Variants in PRKG1 observed in about 807,000 individuals in gnomAD.
PRKG1 encodes the protein cGMP-dependent protein kinase 1.
PRKG1 carries 35 observed loss-of-function variants against 88.1 expected under a neutral mutation model. That is an observed-to-expected ratio of 0.40 (90% confidence interval 0.30 to 0.53). The LOEUF is 0.53. PRKG1 is among the 20% of genes least tolerant of loss of function. The pLI is 0.59. For missense variants in PRKG1, 540 were observed against 839.8 expected (o/e 0.64, Z 4.41); for synonymous variants, 303 against 292.5 (o/e 1.04, Z -0.37).
intron 4 of PRKG1, among the ~76,000 whole-genome samples, chr10:51,857,624 G>A (rs1052202856): frequency 2.0e-5 from 3 of 152,134 alleles, no homozygotes; most frequent in Non-Finnish European, 4.4e-5. Flanking sequence ...TCCTGGCTTT[G>A]TTTGCGTGTT....
chr10:52,281,171 T>G (rs1841995120), intron 13 of PRKG1, among the ~76,000 whole-genome samples: 3 of 152,190 alleles, frequency 2.0e-5, no homozygotes, highest in African/African-American at 7.2e-5. Context: ...TTTATAAGCA[T>G]GAGAAAACAC....
intron 3 of PRKG1, among the ~76,000 whole-genome samples, chr10:51,625,346 G>A (rs1310983078): frequency 2.0e-5 from 3 of 151,992 alleles, no homozygotes; most frequent in African/African-American, 7.2e-5. Flanking sequence ...GTGTGGTGAT[G>A]GGCACCTGTA....
At position 51,633,818 on chromosome 10, in the gene PRKG1, T is replaced by C. The variant is rs77236105; in HGVS notation, c.592+165982T>C. 6.8e-3 allele frequency among the ~76,000 whole-genome samples: 1,039 copies of C among 152,264 alleles called. 14 individuals carry two copies. Among genetic ancestry groups the C allele is most frequent in the African/African-American group, 0.024 (981 of 41,548 alleles). On this transcript the variant is annotated intron_variant, in intron 3 of 17. Coordinates refer to ENST00000373980, the MANE Select transcript of PRKG1 (RefSeq NM_006258.4). ...GTTGGCTCAATTTTTTTGGACAGCA[T>C]GTAGACCAAACAAAATTGATCCATA...
intron 1 of PRKG1, among the ~76,000 whole-genome samples, chr10:51,064,868 C>G (rs1843730811): frequency 1.3e-5 from 2 of 152,058 alleles, no homozygotes; most frequent in South Asian, 4.1e-4. Context: ...AGGGCCTACT[C>G]TGACATTCTA....
intron 1 of PRKG1, among the ~76,000 whole-genome samples, chr10:50,999,591 A>G (rs939429948): frequency 3.9e-5 from 6 of 152,164 alleles, no homozygotes; most frequent in Non-Finnish European, 8.8e-5. Flanking sequence ...GTACTGGCAA[A>G]AACCTTATAG....
chr10:51,067,083 C>T (rs1197519730), intron 1 of PRKG1, among the ~76,000 whole-genome samples: 1 of 151,636 alleles, frequency 6.6e-6, no homozygotes, highest in African/African-American at 2.4e-5. Flanking sequence ...AAAGATTCCA[C>T]CTCTCAATCT....
chr10:51,927,326 A>G (rs1213625393), intron 5 of PRKG1, among the ~76,000 whole-genome samples: 1 of 152,136 alleles, frequency 6.6e-6, no homozygotes, highest in Admixed American at 6.6e-5. Flanking sequence ...GTCTGCCACC[A>G]TGTGAGACGT....
At chr10:51,943,472 C>T (rs1039538379) in intron 5 of PRKG1, among the ~76,000 whole-genome samples, 10 of 152,112 alleles carry the variant, frequency 6.6e-5, no homozygotes, top group African/African-American at 2.4e-4. Flanking sequence ...TTGCCCTGGC[C>T]AGAACTTCCA....
intron 2 of PRKG1, among the ~76,000 whole-genome samples, chr10:51,304,771 A>C (rs1407180165): frequency 1.3e-5 from 2 of 151,598 alleles, no homozygotes; most frequent in African/African-American, 4.9e-5. Flanking sequence ...ACTGAGAATG[A>C]TGATTTCCAA....
chr10:51,689,239 A>AT (rs56858290), intron 3 of PRKG1, among the ~76,000 whole-genome samples: 11 of 150,338 alleles, frequency 7.3e-5, no homozygotes, highest in African/African-American at 1.7e-4. Context: ...AAATCTATCT[A>AT]CTATCTATCT....
At chr10:51,704,956 T>G (rs1841569127) in intron 3 of PRKG1, among the ~76,000 whole-genome samples, 1 of 152,196 alleles carries the variant, frequency 6.6e-6, no homozygotes, top group South Asian at 2.1e-4. Context: ...TTTTAATACC[T>G]TATAACTTTT....
chr10:52,212,844 G>A (rs1402316235), intron 9 of PRKG1, among the ~76,000 whole-genome samples: 1 of 152,124 alleles, frequency 6.6e-6, no homozygotes, highest in South Asian at 2.1e-4. Context: ...CAAAGGGATT[G>A]TAGCTTTTTC....
At chr10:51,625,811 G>A (rs1030920720) in intron 3 of PRKG1, among the ~76,000 whole-genome samples, 1 of 151,680 alleles carries the variant, frequency 6.6e-6, no homozygotes, top group African/African-American at 2.4e-5. Flanking sequence ...ATTCAAAACA[G>A]AACAGAGAGT....
intron 2 of PRKG1, chr10:51,302,684 G>A (rs1840924044): frequency 6.6e-6 from 1 of 151,804 alleles, no homozygotes; most frequent in Non-Finnish European, 1.5e-5. Flanking sequence ...AGAGGATAAA[G>A]ACAGTGAGTA....
intron 3 of PRKG1, among the ~76,000 whole-genome samples, chr10:51,654,871 A>C (rs1354388440): frequency 6.6e-6 from 1 of 152,206 alleles, no homozygotes; most frequent in African/African-American, 2.4e-5. Flanking sequence ...GGAAGCTGAC[A>C]GTGTACACAA....
intron 5 of PRKG1, among the ~76,000 whole-genome samples, chr10:52,036,117 G>A (rs1845603076): frequency 1.3e-5 from 2 of 152,052 alleles, no homozygotes; most frequent in African/African-American, 4.8e-5. Context: ...AAGTAATAGG[G>A]GCTGTCTGTG....
At chr10:52,138,731 A>C (rs543975389) in intron 8 of PRKG1, among the ~76,000 whole-genome samples, 1 of 152,236 alleles carries the variant, frequency 6.6e-6, no homozygotes, top group East Asian at 1.9e-4. Context: ...TTATGAAATT[A>C]GGAGGAAATG....
In PRKG1 at chr10:50,996,518, C is replaced by T. The variant is rs745908390; in HGVS notation, c.266+4874C>T. Reference sequence around the variant, plus strand: ...GTGACCAGTGAATCTTTGTATCTAGCACATGTCCATTGGATCTGCTGTGCC... The same window carrying T: ...GTGACCAGTGAATCTTTGTATCTAGTACATGTCCATTGGATCTGCTGTGCC... On this transcript the variant is annotated intron_variant, in intron 1 of 17. Transcript: ENST00000401604. Among the ~76,000 whole-genome samples, 16 of 152,316 alleles carry T rather than the reference C, an allele frequency of 1.1e-4. 1 individual carries two copies. Among genetic ancestry groups the T allele is most frequent in the Admixed American group, 2.0e-4 (3 of 15,308 alleles).
chr10:51,928,405 TC>T (rs1452494952), intron 5 of PRKG1, among the ~76,000 whole-genome samples: 3 of 152,206 alleles, frequency 2.0e-5, no homozygotes, highest in African/African-American at 7.2e-5. Flanking sequence ...CTGTTATCAA[TC>T]TTCAGCACAG....
Sources: gnomAD v4.1 joint callset for allele counts (sites outside exome capture counted in the v4.1 genomes callset) on GRCh38, gnomAD v4.1.1 for gene constraint, MANE v1.5 for transcripts, NCBI Gene and HGNC (gene_info 2026-07-23, HGNC 2026-07-21) for gene names.